The following SPAG16 variants were observed in gnomAD, a reference collection of about 807,000 sequenced individuals.
SPAG16 encodes the protein sperm-associated antigen 16 protein.
Under a neutral mutation model 80.4 loss-of-function variants are expected in SPAG16, and 86 were observed. That is an observed-to-expected ratio of 1.07 (90% CI 0.90 to 1.28). The LOEUF is 1.28. Ranked by LOEUF, SPAG16 falls within the 50% of genes most tolerant of loss-of-function variation. The pLI is 0.00. For synonymous variants in SPAG16, 294 were observed against 265.9 expected (o/e 1.11, Z -1.03); for missense variants, 870 against 765.3 (o/e 1.14, Z -1.61).
At chr2:213,591,371 A>C (rs2060683281) in intron 10 of SPAG16, among the ~76,000 whole-genome samples, 1 of 152,206 alleles carries the variant, frequency 6.6e-6, no homozygotes, top group African/African-American at 2.4e-5. Flanking sequence ...AACATCAATT[A>C]GTAGTAAGAA....
At chr2:213,428,837 A>T (rs2070108486) in intron 9 of SPAG16, among the ~76,000 whole-genome samples, 2 of 152,130 alleles carry the variant, frequency 1.3e-5, no homozygotes, top group Admixed American at 1.3e-4. Flanking sequence ...CATGCCTGTA[A>T]TCCCAGCACT....
At chr2:214,136,068 G>A (rs573233458) in intron 14 of SPAG16, among the ~76,000 whole-genome samples, 2 of 152,060 alleles carry the variant, frequency 1.3e-5, no homozygotes, top group Admixed American at 6.6e-5. Context: ...GTCACATGGT[G>A]AGAGAGAGGA....
Position 213,296,084 on chromosome 2 carries a change from T to C in SPAG16, c.157T>C (p.Ser53Pro). Residue 53 changes from serine to proline, a missense_variant, in exon 2 of 16, where the codon TCT becomes CCT. Ser to Pro is a moderately conservative substitution (Grantham distance 74). Coordinates refer to ENST00000331683, the MANE Select transcript of SPAG16 (RefSeq NM_024532.5). The stretch of plus-strand genomic sequence containing the variant: ...TTCAGAGGTCACCATAACTGAAGCA[T>C]CTGAAGATGACTATGAATATGAAGA... ...YLEQVTITEA[S>P]EDDYEYEEIP... is the part of the protein sequence containing the mutation. The C allele has an allele frequency of 6.2e-7, 1 of 1,609,798 alleles. No individual in the cohort carries two copies. Among genetic ancestry groups the C allele is most frequent in the Non-Finnish European group, 8.5e-7 (1 of 1,176,728 alleles).
chr2:214,255,478 G>C (rs989550109), intron 15 of SPAG16, among the ~76,000 whole-genome samples: 2 of 151,932 alleles, frequency 1.3e-5, no homozygotes, highest in Admixed American at 6.6e-5. Flanking sequence ...TTACATCAAT[G>C]CATCTTATGT....
chr2:213,356,866 G>A (rs1178274846), intron 7 of SPAG16, among the ~76,000 whole-genome samples: 1 of 152,094 alleles, frequency 6.6e-6, no homozygotes, highest in Non-Finnish European at 1.5e-5. Context: ...GATCTTTCCT[G>A]CTTTCTCTTG....
intron 15 of SPAG16, among the ~76,000 whole-genome samples, chr2:214,293,357 G>T (rs1427829344): frequency 6.6e-6 from 1 of 152,178 alleles, no homozygotes; most frequent in Non-Finnish European, 1.5e-5. Flanking sequence ...GTTAGTGTCT[G>T]CAGTGGTGGT....
At chr2:213,734,873 C>T (rs2067212893) in intron 10 of SPAG16, among the ~76,000 whole-genome samples, 1 of 152,102 alleles carries the variant, frequency 6.6e-6, no homozygotes, top group African/African-American at 2.4e-5. Context: ...TGGCTTTGTA[C>T]TTCATATGAT....
chr2:213,637,728 T>TA (rs773297493), intron 10 of SPAG16, among the ~76,000 whole-genome samples: 72 of 152,304 alleles, frequency 4.7e-4, no homozygotes, highest in Admixed American at 1.7e-3. Flanking sequence ...TTTGTGCATT[T>TA]AAATGTATTC....
chr2:214,182,539 A>G (rs961381407), intron 15 of SPAG16, among the ~76,000 whole-genome samples: 1 of 151,970 alleles, frequency 6.6e-6, no homozygotes, highest in Non-Finnish European at 1.5e-5. Flanking sequence ...TGTATTTTAT[A>G]ATAGGGATGA....
At chr2:214,146,429 A>G (rs951919998) in intron 14 of SPAG16, among the ~76,000 whole-genome samples, 1 of 152,194 alleles carries the variant, frequency 6.6e-6, no homozygotes, top group African/African-American at 2.4e-5. Flanking sequence ...CTGTCTTGTA[A>G]GTGATTCAGA....
chr2:214,249,136 A>C (rs1368680259), intron 15 of SPAG16, among the ~76,000 whole-genome samples: 2 of 152,196 alleles, frequency 1.3e-5, no homozygotes, highest in East Asian at 3.8e-4. Flanking sequence ...GTGGGACTGA[A>C]GAATGTGAAA....
intron 10 of SPAG16, among the ~76,000 whole-genome samples, chr2:213,680,885 C>A (rs866957749): frequency 6.6e-6 from 1 of 152,108 alleles, no homozygotes; most frequent in Non-Finnish European, 1.5e-5. Flanking sequence ...AGTTGGGGGT[C>A]TTCCAGGCTA....
intron 12 of SPAG16, among the ~76,000 whole-genome samples, chr2:213,945,824 A>G (rs1361926683): frequency 6.6e-6 from 1 of 152,180 alleles, no homozygotes; most frequent in Non-Finnish European, 1.5e-5. Context: ...GAACTGTGAG[A>G]AATAAATGTT....
intron 11 of SPAG16, among the ~76,000 whole-genome samples, chr2:213,906,045 A>G (rs2077417443): frequency 6.6e-6 from 1 of 152,126 alleles, no homozygotes; most frequent in Non-Finnish European, 1.5e-5. Flanking sequence ...TAAATTCCAA[A>G]TATCTTACCA....
At chr2:213,812,539 G>C (rs975899061) in intron 10 of SPAG16, among the ~76,000 whole-genome samples, 1 of 152,202 alleles carries the variant, frequency 6.6e-6, no homozygotes, top group Non-Finnish European at 1.5e-5. Context: ...CCTGGTAGCA[G>C]ATGTATGTTT....
intron 9 of SPAG16, among the ~76,000 whole-genome samples, chr2:213,427,666 A>T (rs1175072167): frequency 6.6e-6 from 1 of 152,198 alleles, no homozygotes; most frequent in African/African-American, 2.4e-5. Flanking sequence ...AGAGAAAATG[A>T]TCTTTATCTA....
In SPAG16 at chr2:213,372,520, T is replaced by C. The variant is rs150614899; in HGVS notation, c.833-2490T>C. Among the ~76,000 whole-genome samples the C allele has an allele frequency of 1.7e-3, 265 of 152,290 alleles. 1 individual carries two copies. The highest frequency in any genetic ancestry group is 4.9e-3 in the Admixed American group (75 of 15,294). On this transcript the variant is annotated intron_variant, in intron 8 of 15. Transcript: ENST00000331683. ...GCTTTTTAAGTTCGTGTTTTGTTGC[T>C]GCTCAGAATTGCATTATGAGATGCC...
At position 214,011,296 on chromosome 2, in the gene SPAG16, A is replaced by G. The variant is rs1205621046; in HGVS notation, c.1401-2655A>G. ...CATTTTTAGATTCATTAAAAATAGC[A>G]GGTAAAATTTGTACATAAAACAGTA... is the stretch of plus-strand genomic sequence containing the variant. On this transcript the variant is annotated intron_variant, in intron 12 of 15. Transcript: ENST00000331683. Among the ~76,000 whole-genome samples the G allele has an allele frequency of 1.0e-3, 147 of 146,454 alleles. 19 individuals carry two copies. The highest frequency in any genetic ancestry group is 3.8e-3 in the African/African-American group (144 of 37,434).
chr2:214,289,315 T>C (rs545913848), intron 15 of SPAG16, among the ~76,000 whole-genome samples: 1 of 152,316 alleles, frequency 6.6e-6, no homozygotes, highest in African/African-American at 2.4e-5. Flanking sequence ...GTTTGTAAGA[T>C]TGATGTCTTG....
Sources: allele counts gnomAD v4.1 joint callset (sites outside exome capture counted in the v4.1 genomes callset), GRCh38; gene constraint gnomAD v4.1.1; transcripts MANE v1.5; gene names NCBI Gene and HGNC (gene_info 2026-07-23, HGNC 2026-07-21).